CNTNAP2: variants seen among roughly 807,000 people sequenced by gnomAD.
CNTNAP2 encodes contactin-associated protein-like 2.
CNTNAP2 carries 98 observed loss-of-function variants against 155.2 expected under a neutral mutation model. That is an observed-to-expected ratio of 0.63 (90% CI 0.54 to 0.75). The LOEUF (loss-of-function observed/expected upper bound fraction) is 0.75, where lower values mean the gene tolerates loss of function less well. CNTNAP2 is among the 30% of genes least tolerant of loss of function. The pLI is 0.00. For synonymous variants in CNTNAP2, 651 were observed against 631.2 expected, an observed-to-expected ratio of 1.03 and a Z score of -0.47; for missense variants, 1,727 against 1,688.1, an observed-to-expected ratio of 1.02 and a Z score of -0.40.
At chr7:146,794,092 A>G (rs946317691) in intron 2 of CNTNAP2, among the ~76,000 whole-genome samples, 3 of 152,182 alleles carry the variant, frequency 2.0e-5, no homozygotes, top group African/African-American at 7.2e-5. Context: ...TTTTGATGCA[A>G]TCAGATTGAC....
At chr7:147,983,835 G>A (rs1420978734) in intron 15 of CNTNAP2, among the ~76,000 whole-genome samples, 2 of 152,206 alleles carry the variant, frequency 1.3e-5, no homozygotes, top group African/African-American at 2.4e-5. Flanking sequence ...CTAGGTGGCT[G>A]CCCTTAGAGA....
intron 1 of CNTNAP2, among the ~76,000 whole-genome samples, chr7:146,362,178 T>C (rs1210210752): frequency 6.6e-6 from 1 of 152,204 alleles, no homozygotes; most frequent in African/African-American, 2.4e-5. Flanking sequence ...CTATATGTTA[T>C]TTGCTCATAA....
intron 13 of CNTNAP2, among the ~76,000 whole-genome samples, chr7:147,805,259 G>A (rs1035264018): frequency 5.3e-5 from 8 of 152,014 alleles, no homozygotes; most frequent in Non-Finnish European, 1.2e-4. Context: ...CCCTCCCAAA[G>A]TGCTGGGATT....
intron 4 of CNTNAP2, among the ~76,000 whole-genome samples, chr7:147,089,364 A>C (rs1489677601): frequency 2.6e-5 from 4 of 152,168 alleles, no homozygotes; most frequent in Non-Finnish European, 5.9e-5. Context: ...TTCTCATGCT[A>C]TGTATAAAAC....
intron 10 of CNTNAP2, among the ~76,000 whole-genome samples, chr7:147,423,370 A>T (rs1443882632): frequency 2.0e-5 from 3 of 152,188 alleles, no homozygotes; most frequent in African/African-American, 7.2e-5. Context: ...GAAAAACCTG[A>T]TTAAAATGCT....
chr7:147,483,781 A>T (rs1448734551), intron 10 of CNTNAP2, among the ~76,000 whole-genome samples: 1 of 152,186 alleles, frequency 6.6e-6, no homozygotes, highest in Non-Finnish European at 1.5e-5. Context: ...CATATGCAGA[A>T]CCACCTGCTC....
chr7:146,229,710 A>G (rs1413462715), intron 1 of CNTNAP2, among the ~76,000 whole-genome samples: 1 of 121,152 alleles, frequency 8.3e-6, no homozygotes, highest in African/African-American at 2.8e-5. Context: ...TTTTCAGCCT[A>G]TGAAGTTTTT....
intron 1 of CNTNAP2, among the ~76,000 whole-genome samples, chr7:146,319,052 G>C (rs1156553074): frequency 6.6e-6 from 1 of 151,914 alleles, no homozygotes; most frequent in African/African-American, 2.4e-5. Context: ...ATGTCTTAGG[G>C]GTGGGATTTG....
intron 15 of CNTNAP2, among the ~76,000 whole-genome samples, chr7:147,994,766 C>A (rs1801773159): frequency 6.6e-6 from 1 of 152,152 alleles, no homozygotes; most frequent in African/African-American, 2.4e-5. Flanking sequence ...ATGTCTTTAT[C>A]AGCCATATGA....
At position 146,180,852 on chromosome 7, in the gene CNTNAP2, G is replaced by A. The variant is rs1227488973; in HGVS notation, c.97+63879G>A. ...ACCAAGGTCAGTAACCAGTAAGTAA[G>A]TTTGTCGTGGTTCAAAACCAGTTCA... On this transcript the variant is annotated intron_variant, in intron 1 of 23. Coordinates refer to ENST00000361727, the MANE Select transcript of CNTNAP2 (RefSeq NM_014141.6). Among the ~76,000 whole-genome samples the A allele has an allele frequency of 3.9e-5, 6 of 152,168 alleles. No homozygotes were observed. The East Asian group carries it at 1.2e-3, about 29-fold the overall frequency.
chr7:147,060,044 C>G (rs1335191972), intron 4 of CNTNAP2, among the ~76,000 whole-genome samples: 2 of 152,082 alleles, frequency 1.3e-5, no homozygotes, highest in Non-Finnish European at 2.9e-5. Flanking sequence ...TAGGAACTAT[C>G]TTCATTTTAA....
chr7:146,398,236 A>G (rs1218637776), intron 1 of CNTNAP2, among the ~76,000 whole-genome samples: 1 of 125,738 alleles, frequency 8.0e-6, no homozygotes, highest in Non-Finnish European at 1.6e-5. Flanking sequence ...TCGTTCTCCC[A>G]CTGCTAATTT....
At chr7:146,555,014 T>C (rs1269649650) in intron 1 of CNTNAP2, among the ~76,000 whole-genome samples, 2 of 152,192 alleles carry the variant, frequency 1.3e-5, no homozygotes, top group African/African-American at 4.8e-5. Flanking sequence ...GTTAACTTAT[T>C]TGCCAAATAA....
intron 20 of CNTNAP2, among the ~76,000 whole-genome samples, chr7:148,258,448 T>TTC (rs1796495608): frequency 6.6e-6 from 1 of 152,218 alleles, no homozygotes; most frequent in Non-Finnish European, 1.5e-5. Context: ...GAACGTATCC[T>TTC]TGATACTGGG....
chr7:146,171,954 A>G (rs1020420318), intron 1 of CNTNAP2, among the ~76,000 whole-genome samples: 6 of 151,618 alleles, frequency 4.0e-5, no homozygotes, highest in Admixed American at 2.6e-4. Context: ...AATTTAAAAC[A>G]TTGTAGAAAT....
chr7:147,243,977 TGAA>T (rs1376798830), intron 8 of CNTNAP2, among the ~76,000 whole-genome samples: 1 of 152,242 alleles, frequency 6.6e-6, no homozygotes, highest in African/African-American at 2.4e-5. Flanking sequence ...TTTGCTTCTG[TGAA>T]GATTTCTCCT....
chr7:147,503,848 C>T (rs1474527318), intron 11 of CNTNAP2, among the ~76,000 whole-genome samples: 1 of 151,958 alleles, frequency 6.6e-6, no homozygotes, highest in Admixed American at 6.6e-5. Context: ...TTTGCAAAAC[C>T]TAATAGTCTT....
intron 10 of CNTNAP2, among the ~76,000 whole-genome samples, chr7:147,468,377 T>C (rs1241531173): frequency 6.6e-6 from 1 of 152,246 alleles, no homozygotes; most frequent in African/African-American, 2.4e-5. Context: ...TACTTGTATA[T>C]TGATTAACTT....
At position 148,174,426 on chromosome 7, in the gene CNTNAP2, C is replaced by CG. The variant is rs1554400557; in HGVS notation, c.3010+1948_3010+1949insG. Reference sequence around the variant, plus strand: ...CACAGCAGTTCCTGTGACCGCCCCCCACCTCAGGCTGGTGCTTCAGCCAAA... The same window carrying CG: ...CACAGCAGTTCCTGTGACCGCCCCCCGACCTCAGGCTGGTGCTTCAGCCAAA... On this transcript the variant is annotated intron_variant, in intron 18 of 23. Transcript: ENST00000361727. Among the ~76,000 whole-genome samples, 6 of 152,020 alleles carry CG rather than the reference C, an allele frequency of 3.9e-5. No homozygotes were observed. In the South Asian group the frequency reaches 8.3e-4, roughly 21 times the overall value.
Sources: allele counts gnomAD v4.1 joint callset (sites outside exome capture counted in the v4.1 genomes callset), GRCh38; gene constraint gnomAD v4.1.1; transcripts MANE v1.5; gene names NCBI Gene and HGNC (gene_info 2026-07-23, HGNC 2026-07-21).